Variants in THSD4 observed in about 807,000 individuals in gnomAD.
The protein encoded by THSD4 is thrombospondin type-1 domain-containing protein 4.
A neutral mutation model predicts 119.0 loss-of-function variants in THSD4; 69 were observed. The ratio of observed to expected loss-of-function variants is 0.58; its 90% CI spans 0.48 to 0.71. The LOEUF (loss-of-function observed/expected upper bound fraction) is 0.71, where lower values mean the gene tolerates loss of function less well. Ranked by LOEUF, THSD4 falls within the 30% of genes least tolerant of loss-of-function variation. The pLI, the probability that THSD4 is intolerant of heterozygous loss-of-function variation, is 0.00. For synonymous variants in THSD4, 524 were observed against 540.4 expected (o/e 0.97, Z 0.42); for missense variants, 1,393 against 1,391.1 (o/e 1.00, Z -0.02).
intron 16 of THSD4, 143 bp from the exon 17 acceptor site, chr15:71,770,921 C>A (rs955381062): frequency 2.5e-6 from 3 of 1,221,022 alleles, no homozygotes; most frequent in African/African-American, 3.1e-5. Context: ...ATTGTTGAAG[C>A]TGGTTGATAG....
chr15:71,599,811 GC>G (rs2049972659), intron 7 of THSD4, among the ~76,000 whole-genome samples: 1 of 152,184 alleles, frequency 6.6e-6, no homozygotes, highest in Non-Finnish European at 1.5e-5. Context: ...GTGTGGAGAG[GC>G]CCACTTTGAG....
chr15:71,442,658 G>GTGTATGTATGTATGTA (rs1347437312), intron 7 of THSD4, among the ~76,000 whole-genome samples: 3 of 31,342 alleles, frequency 9.6e-5, no homozygotes, highest in Non-Finnish European at 2.1e-4. Flanking sequence ...GTGTGTGTGT[G>GTGTATGTATGTATGTA]TGTATATATA....
intron 6 of THSD4, among the ~76,000 whole-genome samples, chr15:71,338,340 T>A (rs2045514624): frequency 6.8e-6 from 1 of 146,648 alleles, no homozygotes; most frequent in South Asian, 2.1e-4. Flanking sequence ...AAGCAAGGGG[T>A]CTGCTTCATG....
At chr15:71,642,497 A>G (rs1229148875) in intron 7 of THSD4, among the ~76,000 whole-genome samples, 3 of 152,148 alleles carry the variant, frequency 2.0e-5, no homozygotes, top group Non-Finnish European at 2.9e-5. Flanking sequence ...AGACACATGC[A>G]CACGTATGTT....
At chr15:71,656,947 C>T (rs947152359) in intron 7 of THSD4, among the ~76,000 whole-genome samples, 1 of 152,086 alleles carries the variant, frequency 6.6e-6, no homozygotes, top group Non-Finnish European at 1.5e-5. Flanking sequence ...GTCAGAAAGG[C>T]CTGTTCATTT....
intron 7 of THSD4, among the ~76,000 whole-genome samples, chr15:71,601,725 T>A (rs566865151): frequency 6.6e-6 from 1 of 152,344 alleles, no homozygotes; most frequent in South Asian, 2.1e-4. Context: ...ATTTATTGCT[T>A]CAGCGTCATC....
chr15:71,658,999 A>G (rs1259459504), intron 7 of THSD4, among the ~76,000 whole-genome samples: 2 of 152,220 alleles, frequency 1.3e-5, no homozygotes, highest in Non-Finnish European at 2.9e-5. Context: ...GATTTGACCT[A>G]TAGGACCTAC....
chr15:71,697,812 C>G (rs1169040799), intron 8 of THSD4, among the ~76,000 whole-genome samples: 1 of 152,170 alleles, frequency 6.6e-6, no homozygotes, highest in Non-Finnish European at 1.5e-5. Flanking sequence ...CATATCTTTC[C>G]AGTTACAAAA....
At chr15:71,682,111 T>C (rs1855110709) in intron 8 of THSD4, among the ~76,000 whole-genome samples, 1 of 152,192 alleles carries the variant, frequency 6.6e-6, no homozygotes, top group Admixed American at 6.5e-5. Flanking sequence ...AAGGTCTTTA[T>C]GGACCTGCTG....
At position 71,242,981 on chromosome 15, in the gene THSD4, G is replaced by A. The variant is rs1274399883; in HGVS notation, c.797G>A (p.Ser266Asn). The A allele has an allele frequency of 1.9e-6, 3 of 1,614,226 alleles. No homozygotes were observed. Among genetic ancestry groups the A allele is most frequent in the East Asian group, 2.2e-5 (1 of 44,884 alleles). ...AGTCTCTTTCACAGCCCAGAAACAA[G>A]CAACAACCACGGTGTGGGGACCCAT... The part of the protein sequence containing the change: ...ASSLFHSPET[S>N]NNHGVGTHGA... Residue 266 changes from serine to asparagine, a missense_variant, in exon 5 of 18, where the codon AGC (serine) becomes AAC (asparagine). Coordinates refer to ENST00000261862, the MANE Select transcript of THSD4 (RefSeq NM_024817.3).
chr15:71,723,837 G>C (rs1029157170), intron 8 of THSD4, among the ~76,000 whole-genome samples: 1 of 152,046 alleles, frequency 6.6e-6, no homozygotes, highest in Non-Finnish European at 1.5e-5. Flanking sequence ...GGAGGCCAAG[G>C]CAGGAGGATC....
chr15:71,621,138 A>G (rs1280812116), intron 7 of THSD4, among the ~76,000 whole-genome samples: 1 of 152,216 alleles, frequency 6.6e-6, no homozygotes, highest in African/African-American at 2.4e-5. Context: ...CTTAACATCT[A>G]AGAACCCAGG....
At chr15:71,147,383 A>AT (rs1215121925) in intron 2 of THSD4, among the ~76,000 whole-genome samples, 1 of 151,780 alleles carries the variant, frequency 6.6e-6, no homozygotes, top group African/African-American at 2.4e-5. Context: ...TTTAAAAAAA[A>AT]TTTTTTTGTA....
chr15:71,660,867 G>T (rs1014511959), intron 8 of THSD4, 133 bp downstream of exon 8: 12 of 972,414 alleles, frequency 1.2e-5, no homozygotes, highest in Non-Finnish European at 1.4e-5. Flanking sequence ...GAATGTCAAA[G>T]TACCACCTGG....
chr15:71,595,001 A>G (rs1251184143), intron 7 of THSD4, among the ~76,000 whole-genome samples: 1 of 152,212 alleles, frequency 6.6e-6, no homozygotes, highest in Non-Finnish European at 1.5e-5. Flanking sequence ...AGTCAATCCC[A>G]GTGGTGGGAA....
chr15:71,469,831 G>C (rs1490816446), intron 7 of THSD4, among the ~76,000 whole-genome samples: 2 of 152,126 alleles, frequency 1.3e-5, no homozygotes, highest in Admixed American at 6.5e-5. Context: ...TTAACGAATA[G>C]AAAAATGAAC....
chr15:71,453,766 TA>T (rs1200808283), intron 7 of THSD4, among the ~76,000 whole-genome samples: 1 of 152,120 alleles, frequency 6.6e-6, no homozygotes, highest in Non-Finnish European at 1.5e-5. Context: ...TAGGTACATG[TA>T]AAAAATGGAT....
At chr15:71,736,055 GTCTCTATCTCTCTGTCTC>G (rs2053091693) in intron 10 of THSD4, among the ~76,000 whole-genome samples, 1 of 113,218 alleles carries the variant, frequency 8.8e-6, no homozygotes, top group South Asian at 3.1e-4. Context: ...CTTGCTTTCT[GTCTCTATCTCTCTGTCTC>G]TCTCTTGCTC....
chr15:71,685,164 A>T (rs1429845307), intron 8 of THSD4, among the ~76,000 whole-genome samples: 1 of 151,600 alleles, frequency 6.6e-6, no homozygotes, highest in Admixed American at 6.6e-5. Flanking sequence ...GAATTCACAT[A>T]CTTCTGTTTT....
Sources: gnomAD v4.1 joint callset for allele counts (sites outside exome capture counted in the v4.1 genomes callset) on GRCh38, gnomAD v4.1.1 for gene constraint, MANE v1.5 for transcripts, NCBI Gene and HGNC (gene_info 2026-07-23, HGNC 2026-07-21) for gene names.